Variants in TRHDE observed in about 807,000 individuals in gnomAD.
TRHDE encodes the protein thyrotropin-releasing hormone-degrading ectoenzyme.
In TRHDE, 72 loss-of-function variants were observed where a neutral mutation model predicts 125.7. That is an observed-to-expected ratio of 0.57 (90% CI 0.47 to 0.70). TRHDE has a LOEUF of 0.70. Ranked by LOEUF, TRHDE falls within the 30% of genes least tolerant of loss-of-function variation. The pLI is 0.00. For missense variants in TRHDE, 1,110 were observed against 1,327.1 expected, an observed-to-expected ratio of 0.84 and a Z score of 2.54; for synonymous variants, 509 against 509.1, an observed-to-expected ratio of 1.00 and a Z score of 0.00.
intron 13 of TRHDE, 137 bp from the exon 14 acceptor site, chr12:72,620,971 T>A (rs1873027494): frequency 2.0e-6 from 1 of 488,254 alleles, no homozygotes; most frequent in Admixed American, 3.5e-5. Flanking sequence ...AATAGAACAT[T>A]ACTGTACTTA....
intron 2 of TRHDE, among the ~76,000 whole-genome samples, chr12:72,299,831 G>A (rs1425669640): frequency 1.3e-5 from 2 of 152,058 alleles, no homozygotes; most frequent in Non-Finnish European, 2.9e-5. Flanking sequence ...GGTACAAGAC[G>A]CTGTTTTATA....
intron 2 of TRHDE, among the ~76,000 whole-genome samples, chr12:72,117,889 T>C (rs1347297744): frequency 3.9e-5 from 6 of 151,980 alleles, no homozygotes; most frequent in Admixed American, 2.6e-4. Flanking sequence ...TGCTGGAATA[T>C]AGAAATGCTG....
At chr12:72,229,430 C>T (rs970634642) in intron 2 of TRHDE, among the ~76,000 whole-genome samples, 2 of 152,138 alleles carry the variant, frequency 1.3e-5, no homozygotes, top group South Asian at 4.1e-4. Context: ...CCTACAAGGT[C>T]CCACTCATGA....
intron 2 of TRHDE, among the ~76,000 whole-genome samples, chr12:72,166,165 T>C (rs1265431374): frequency 6.6e-6 from 1 of 152,188 alleles, no homozygotes; most frequent in African/African-American, 2.4e-5. Flanking sequence ...CCAGGGTATT[T>C]GTGTATCTAA....
At chr12:72,412,742 G>T (rs1873564550) in intron 3 of TRHDE, among the ~76,000 whole-genome samples, 1 of 152,056 alleles carries the variant, frequency 6.6e-6, no homozygotes, top group South Asian at 2.1e-4. Flanking sequence ...TCTAAAACAT[G>T]TATAAGTCCC....
At chr12:72,166,586 A>G (rs1377389640) in intron 2 of TRHDE, among the ~76,000 whole-genome samples, 1 of 152,222 alleles carries the variant, frequency 6.6e-6, no homozygotes, top group African/African-American at 2.4e-5. Flanking sequence ...GCAGTGCTCT[A>G]TCCTTAAGTG....
At chr12:72,603,859 G>A (rs1872318592) in intron 12 of TRHDE, among the ~76,000 whole-genome samples, 1 of 152,156 alleles carries the variant, frequency 6.6e-6, no homozygotes, top group African/African-American at 2.4e-5. Flanking sequence ...ACATGTTGGT[G>A]ACTAAACTGA....
At chr12:72,644,134 C>T (rs1004614401) in intron 15 of TRHDE, among the ~76,000 whole-genome samples, 11 of 152,164 alleles carry the variant, frequency 7.2e-5, no homozygotes, top group African/African-American at 2.4e-4. Context: ...AATCCAGAAA[C>T]TAATTGAAAT....
intron 12 of TRHDE, among the ~76,000 whole-genome samples, chr12:72,586,880 G>A (rs1241515958): frequency 6.6e-6 from 1 of 151,830 alleles, no homozygotes; most frequent in African/African-American, 2.4e-5. Flanking sequence ...AAGGCTAATA[G>A]GCCCTGAAGA....
intron 2 of TRHDE, among the ~76,000 whole-genome samples, chr12:72,243,708 A>G (rs753332377): frequency 2.8e-4 from 42 of 152,148 alleles, no homozygotes; most frequent in Non-Finnish European, 1.0e-4. Flanking sequence ...GTTCATTGGA[A>G]TATTTTATAT....
chr12:72,229,136 A>G (rs1325654252), intron 2 of TRHDE, among the ~76,000 whole-genome samples: 2 of 152,178 alleles, frequency 1.3e-5, no homozygotes, highest in Non-Finnish European at 2.9e-5. Flanking sequence ...TTCTGGTACT[A>G]ATGTCTGCAT....
chr12:72,477,034 T>C (rs910749619), intron 5 of TRHDE, among the ~76,000 whole-genome samples: 2 of 152,156 alleles, frequency 1.3e-5, no homozygotes, highest in African/African-American at 4.8e-5. Flanking sequence ...AGATTGGAAA[T>C]AAGAAGCTCA....
chr12:72,173,340 C>T (rs937474331), intron 2 of TRHDE, among the ~76,000 whole-genome samples: 1 of 152,144 alleles, frequency 6.6e-6, no homozygotes, highest in Non-Finnish European at 1.5e-5. Context: ...GAAAGGATTA[C>T]TATTCAGGTG....
At chr12:72,501,913 C>T (rs974807383) in intron 6 of TRHDE, among the ~76,000 whole-genome samples, 85 of 151,982 alleles carry the variant, frequency 5.6e-4, no homozygotes, top group African/African-American at 1.9e-3. Context: ...TTCTTTCTCA[C>T]GCACTTCGCC....
At chr12:72,487,302 A>T (rs1315807368) in intron 5 of TRHDE, among the ~76,000 whole-genome samples, 1 of 152,206 alleles carries the variant, frequency 6.6e-6, no homozygotes, top group African/African-American at 2.4e-5. Context: ...GTCGCCAAAC[A>T]GAAATAACTC....
chr12:72,154,752 C>G (rs1340189724), intron 2 of TRHDE, among the ~76,000 whole-genome samples: 1 of 152,230 alleles, frequency 6.6e-6, no homozygotes, highest in African/African-American at 2.4e-5. Context: ...AGAGTTTCTT[C>G]TGAGAGATCA....
At chr12:72,165,415 C>T (rs950410686) in intron 2 of TRHDE, among the ~76,000 whole-genome samples, 1 of 152,058 alleles carries the variant, frequency 6.6e-6, no homozygotes, top group Non-Finnish European at 1.5e-5. Flanking sequence ...GATATTGGTT[C>T]TGAAATAACA....
At chr12:72,423,777 A>T (rs574003112) in intron 3 of TRHDE, among the ~76,000 whole-genome samples, 1 of 152,256 alleles carries the variant, frequency 6.6e-6, no homozygotes, top group Non-Finnish European at 1.5e-5. Context: ...TGTTGCGTGT[A>T]ATCGGAAGAG....
chr12:72,362,731 A>G (rs376745433), intron 2 of TRHDE, among the ~76,000 whole-genome samples: 1 of 151,848 alleles, frequency 6.6e-6, no homozygotes, highest in East Asian at 1.9e-4. Flanking sequence ...ATCTTGAATT[A>G]ATTTTTGTAT....
Sources: allele counts gnomAD v4.1 joint callset (sites outside exome capture counted in the v4.1 genomes callset), GRCh38; gene constraint gnomAD v4.1.1; transcripts MANE v1.5; gene names NCBI Gene and HGNC (gene_info 2026-07-23, HGNC 2026-07-21).